The following RTP3 variants were observed in gnomAD, a reference collection of about 807,000 sequenced individuals.
RTP3 encodes receptor transporter protein 3.
In RTP3, 2 loss-of-function variants were observed where a neutral mutation model predicts 6.2. The observed-to-expected ratio is 0.32, with a 90% CI of 0.13 to 1.02. The LOEUF (loss-of-function observed/expected upper bound fraction) is 1.02, where lower values mean the gene tolerates loss of function less well. Among genes scored for constraint, RTP3 ranks in the 50% least tolerant of loss-of-function variants. RTP3 has a pLI of 0.47. For synonymous variants in RTP3, 106 were observed against 98.3 expected (o/e 1.08, Z -0.47); for missense variants, 252 against 280.8 (o/e 0.90, Z 0.73).
intron 1 of RTP3, among the ~76,000 whole-genome samples, chr3:46,499,675 G>A (rs1440757818): frequency 6.6e-6 from 1 of 152,170 alleles, no homozygotes; most frequent in South Asian, 2.1e-4. Flanking sequence ...GAAGCCAGTG[G>A]CATTCAGAAT....
At chr3:46,499,782 G>A (rs1450754651) in intron 1 of RTP3, among the ~76,000 whole-genome samples, 1 of 152,028 alleles carries the variant, frequency 6.6e-6, no homozygotes, top group South Asian at 2.1e-4. Context: ...CAATACCGCA[G>A]ACCAGGGACC....
chr3:46,498,237 T>C lies in RTP3; in HGVS notation c.155+20T>C. Reference sequence around the variant, plus strand: ...CGCCAGGTGAGGGGGAATGTGATGGTACACGTTCCAGAAAATTCTTGCACA... The same window carrying C: ...CGCCAGGTGAGGGGGAATGTGATGGCACACGTTCCAGAAAATTCTTGCACA... On this transcript the variant is annotated intron_variant, in intron 1 of 1. Transcript: ENST00000296142. 1 of 1,613,656 alleles carries C rather than the reference T, an allele frequency of 6.2e-7. No individual in the cohort carries two copies. The highest frequency in any genetic ancestry group is 8.5e-7 in the Non-Finnish European group (1 of 1,179,550).
At position 46,500,418 on chromosome 3, in the gene RTP3, T is replaced by A. The variant is rs1450629944; in HGVS notation, c.218T>A (p.Met73Lys). The stretch of plus-strand genomic sequence containing the variant: ...GCCCAAGTTCTGGTCCTTTTCCACA[T>A]GAACTGGAGTGAGGAGAAGTCCAGG... ...ASAQVLVLFHMNWSEEKSRGQ... is the reference protein window; with the variant it reads ...ASAQVLVLFHKNWSEEKSRGQ... The change falls in exon 2 of 2, where the codon ATG becomes AAG. Residue 73 changes from methionine (M) to lysine (K), a missense_variant. Coordinates refer to ENST00000296142, the MANE Select transcript of RTP3 (RefSeq NM_031440.2). The A allele has an allele frequency of 6.2e-7, 1 of 1,613,942 alleles. No individual in the cohort carries two copies. The highest frequency in any genetic ancestry group is 8.5e-7 in the Non-Finnish European group (1 of 1,180,004).
In RTP3 at chr3:46,500,807, T is replaced by G; in HGVS notation, c.607T>G (p.Cys203Gly). 2 of 1,613,910 alleles carry G rather than the reference T, an allele frequency of 1.2e-6. No individual in the cohort carries two copies. Among genetic ancestry groups the G allele is most frequent in the African/African-American group, 1.3e-5 (1 of 75,040 alleles). The change falls in exon 2 of 2, where the codon TGC becomes GGC. Residue 203 changes from cysteine (C) to glycine (G), a missense_variant. Coordinates refer to ENST00000296142, the MANE Select transcript of RTP3 (RefSeq NM_031440.2). ...ASGENVYSYA[C>G]QNHICRNLSI... ...AGGAGAGAATGTCTATTCCTACGCA[T>G]GCCAAAACCACATCTGTAGGAACTT...
Position 46,500,456 on chromosome 3 carries a change from A to G in RTP3, c.256A>G (p.Met86Val), listed in dbSNP as rs750060246. The G allele has an allele frequency of 6.8e-6, 11 of 1,614,096 alleles. No homozygotes were observed. In the East Asian group the frequency reaches 2.0e-4, roughly 29 times the overall value. ...SEEKSRGQVK[M>V]RVFTQRCKKC... Reference sequence around the variant, plus strand: ...GGAGAAGTCCAGGGGCCAGGTGAAGATGAGGGTGTTTACCCAGAGATGTAA... The same window carrying G: ...GGAGAAGTCCAGGGGCCAGGTGAAGGTGAGGGTGTTTACCCAGAGATGTAA... Residue 86 changes from methionine to valine, a missense_variant, in exon 2 of 2, where the codon ATG becomes GTG. Physicochemically the swap from Met to Val is conservative, Grantham distance 21 (BLOSUM62 1). Coordinates refer to ENST00000296142, the MANE Select transcript of RTP3 (RefSeq NM_031440.2).
chr3:46,500,923 C>A lies in RTP3; in HGVS notation c.*24C>A. The A allele has an allele frequency of 6.6e-7, 1 of 1,524,036 alleles. No homozygotes were observed. Among genetic ancestry groups the A allele is most frequent in the South Asian group, 1.3e-5 (1 of 76,142 alleles). The allele number at this position is 1,524,036 out of a possible 1,614,324, so 94.4% of individuals were successfully genotyped here. On this transcript the variant is annotated 3_prime_UTR_variant, in exon 2 of 2. Coordinates refer to ENST00000296142, the MANE Select transcript of RTP3 (RefSeq NM_031440.2). ...GAGCCTTGGAAACATGAAGCTAAGT[C>A]AGAAAAAAAATCAGATACAAAAAGT...
Position 46,500,540 on chromosome 3 carries a change from A to T in RTP3, c.340A>T (p.Ile114Phe), listed in dbSNP as rs753460946. 1.7e-5 allele frequency: 28 copies of T among 1,614,242 alleles called. No homozygotes were observed. Among genetic ancestry groups the T allele is most frequent in the Non-Finnish European group, 2.2e-5 (26 of 1,180,044 alleles). Residue 114 changes from isoleucine (I) to phenylalanine (F), a missense_variant, in exon 2 of 2, where the codon ATC (isoleucine) becomes TTC (phenylalanine). Physicochemically the swap from Ile to Phe is conservative, Grantham distance 21 (BLOSUM62 0). Coordinates refer to ENST00000296142, the MANE Select transcript of RTP3 (RefSeq NM_031440.2). ...PEFTQENISR[I>F]LKNLVFRILK... ...GTTCACACAAGAGAACATCTCAAGGATCCTGAAAAACCTGGTGTTCCGAAT... is the reference window on the plus strand; with the variant it reads ...GTTCACACAAGAGAACATCTCAAGGTTCCTGAAAAACCTGGTGTTCCGAAT...
In RTP3 at chr3:46,498,092, A is replaced by G; in HGVS notation, c.30A>G (p.Gln10=). ...CTGGGGACACAGAAGTGTGGAAGCA[A>G]ATGTTTCAGGAGTTAATGCGGGAGG... MAGDTEVWK[Q]MFQELMREVK... is the part of the protein sequence containing the mutation. Residue 10 remains glutamine, a synonymous_variant, in exon 1 of 2, where the codon CAA becomes CAG. Transcript: ENST00000296142. 6.2e-7 allele frequency: 1 copy of G among 1,614,166 alleles called. No homozygotes were observed. Among genetic ancestry groups the G allele is most frequent in the Non-Finnish European group, 8.5e-7 (1 of 1,180,020 alleles).
chr3:46,500,627 ATC>A lies in RTP3; in HGVS notation c.433_434del (p.Leu145Ter), dbSNP rs1263368208. The A allele has an allele frequency of 3.1e-6, 5 of 1,614,148 alleles. No homozygotes were observed. In the South Asian group the frequency reaches 3.3e-5, roughly 11 times the overall value. ...LIEEVPMIKDISLEGPHNSDN... is the reference protein window; with the variant it reads ...LIEEVPMIKDXSLEGPHNSDN... ...AGAGGAGGTTCCTATGATCAAGGAC[ATC>A]TCTCTTGAAGGGCCACACAATAGTG... On this transcript the variant is annotated frameshift_variant, in exon 2 of 2. Transcript: ENST00000296142. LOFTEE classifies it low-confidence loss of function (END_TRUNC).
chr3:46,499,836 C>T (rs547063820), intron 1 of RTP3, among the ~76,000 whole-genome samples: 15 of 151,984 alleles, frequency 9.9e-5, no homozygotes, highest in African/African-American at 3.4e-4. Flanking sequence ...CTAGGAGAAC[C>T]CTGGACACTT....
At chr3:46,498,338 GC>G in intron 1 of RTP3, 121 bp downstream of exon 1, 1 of 1,066,686 alleles carries the variant, frequency 9.4e-7, no homozygotes, top group Non-Finnish European at 1.4e-6. Context: ...GTAATAAGAT[GC>G]CCATCATCCA....
rs1332159075 is a variant in RTP3, at chr3:46,500,752, G to C, written c.552G>C (p.Lys184Asn). 1 of 1,614,072 alleles carries C rather than the reference G, an allele frequency of 6.2e-7. No individual in the cohort carries two copies. Among genetic ancestry groups the C allele is most frequent in the East Asian group, 2.2e-5 (1 of 44,900 alleles). ...CCCCAAGAGTACACTCCATTTACAA[G>C]GTGGAGGAGGTAGTTAAGCCCTGGG... ...SQTPRVHSIY[K>N]VEEVVKPWAS... Residue 184 changes from lysine to asparagine, a missense_variant, in exon 2 of 2, where the codon AAG becomes AAC. By Grantham distance (94) the Lys-to-Asn change is moderately conservative. Coordinates refer to ENST00000296142, the MANE Select transcript of RTP3 (RefSeq NM_031440.2).
chr3:46,500,553 T>C lies in RTP3; in HGVS notation c.353T>C (p.Leu118Pro). Residue 118 changes from leucine to proline, a missense_variant, in exon 2 of 2, where the codon CTG becomes CCG. Physicochemically the swap from Leu to Pro is moderately conservative, Grantham distance 98 (BLOSUM62 -3). Transcript: ENST00000296142. Reference protein sequence around the residue: ...QENISRILKNLVFRILKKCYR... With the variant: ...QENISRILKNPVFRILKKCYR... Reference sequence around the variant, plus strand: ...AACATCTCAAGGATCCTGAAAAACCTGGTGTTCCGAATTCTGAAGAAATGC... The same window carrying C: ...AACATCTCAAGGATCCTGAAAAACCCGGTGTTCCGAATTCTGAAGAAATGC... The C allele has an allele frequency of 6.2e-7, 1 of 1,614,234 alleles. No homozygotes were observed. Among genetic ancestry groups the C allele is most frequent in the South Asian group, 1.1e-5 (1 of 91,080 alleles).
chr3:46,498,267 T>C, intron 1 of RTP3, 50 bp downstream of exon 1: 1 of 1,598,506 alleles, frequency 6.3e-7, no homozygotes, highest in Non-Finnish European at 8.6e-7. Flanking sequence ...TGCACATTTC[T>C]TACTAGGTAT....
intron 1 of RTP3, among the ~76,000 whole-genome samples, chr3:46,499,850 G>C (rs926430068): frequency 6.6e-6 from 1 of 152,076 alleles, no homozygotes; most frequent in South Asian, 2.1e-4. Flanking sequence ...GACACTTCAG[G>C]CTCCCACCGC....
Position 46,500,373 on chromosome 3 carries a change from GCT to G in RTP3, c.177_178del (p.Arg60Ter), listed in dbSNP as rs1559620003. 1 of 1,610,678 alleles carries G rather than the reference GCT, an allele frequency of 6.2e-7. No homozygotes were observed. Among genetic ancestry groups the G allele is most frequent in the Admixed American group, 1.7e-5 (1 of 59,716 alleles). ...CTCCACAGGTTCCAGTGCTCCTCCT[GCT>G]CTCGTAACTGGGCCTCTGCCCAAGT... is the stretch of plus-strand genomic sequence containing the variant. On this transcript the variant is annotated frameshift_variant, in exon 2 of 2. Coordinates refer to ENST00000296142, the MANE Select transcript of RTP3 (RefSeq NM_031440.2). LOFTEE classifies it low-confidence loss of function (END_TRUNC).
rs1459596384 is a variant in RTP3, at chr3:46,500,455, G to T, written c.255G>T (p.Lys85Asn). 6.2e-7 allele frequency: 1 copy of T among 1,614,234 alleles called. No individual in the cohort carries two copies. The change falls in exon 2 of 2, where the codon AAG (lysine) becomes AAT (asparagine). Residue 85 changes from lysine to asparagine, a missense_variant. Lys to Asn is a moderately conservative substitution (Grantham distance 94). Transcript: ENST00000296142. ...AGGAGAAGTCCAGGGGCCAGGTGAA[G>T]ATGAGGGTGTTTACCCAGAGATGTA... is the stretch of plus-strand genomic sequence containing the variant. ...WSEEKSRGQV[K>N]MRVFTQRCKK...
chr3:46,497,996 T>C lies in RTP3; in HGVS notation c.-67T>C. 6.4e-7 allele frequency: 1 copy of C among 1,567,322 alleles called. No homozygotes were observed. The highest frequency in any genetic ancestry group is 8.8e-7 in the Non-Finnish European group (1 of 1,140,434). ...TTGCCCTCTGAAGTCAGAAACCTCA[T>C]CTCCCACTACAGACCTGCCAGGGCC... On this transcript the variant is annotated 5_prime_UTR_variant, in exon 1 of 2. Transcript: ENST00000296142.
At position 46,498,086 on chromosome 3, in the gene RTP3, G is replaced by A. The variant is rs760405798; in HGVS notation, c.24G>A (p.Trp8Ter). ...AGATGGCTGGGGACACAGAAGTGTG[G>A]AAGCAAATGTTTCAGGAGTTAATGC... MAGDTEV[W>*]KQMFQELMRE... The change falls in exon 1 of 2, where the codon TGG becomes TGA. Residue 8 changes from tryptophan (W) to a stop codon, truncating the protein, a stop_gained. Coordinates refer to ENST00000296142, the MANE Select transcript of RTP3 (RefSeq NM_031440.2). LOFTEE classifies it high-confidence loss of function. 9.3e-6 allele frequency: 15 copies of A among 1,614,194 alleles called. No individual in the cohort carries two copies. The South Asian group carries it at 1.4e-4, about 15-fold the overall frequency.
Sources: allele counts gnomAD v4.1 joint callset (sites outside exome capture counted in the v4.1 genomes callset), GRCh38; gene constraint gnomAD v4.1.1; transcripts MANE v1.5; gene names NCBI Gene and HGNC (gene_info 2026-07-23, HGNC 2026-07-21).